ACAD11: variants seen among roughly 807,000 people sequenced by gnomAD.
ACAD11 encodes the protein acyl-CoA dehydrogenase family member 11.
In ACAD11, 83 loss-of-function variants were observed where a neutral mutation model predicts 102.2. That is an observed-to-expected ratio of 0.81 (90% CI 0.68 to 0.97). The LOEUF (loss-of-function observed/expected upper bound fraction) is 0.97. Among genes scored for constraint, ACAD11 ranks in the 50% least tolerant of loss-of-function variants. ACAD11 has a pLI of 0.00. For synonymous variants in ACAD11, 324 were observed against 319.8 expected (o/e 1.01, Z -0.14); for missense variants, 901 against 951.7 (o/e 0.95, Z 0.70).
intron 13 of ACAD11, among the ~76,000 whole-genome samples, chr3:132,589,882 G>A (rs1446218766): frequency 1.3e-5 from 2 of 152,032 alleles, no homozygotes; most frequent in African/African-American, 4.8e-5. Flanking sequence ...CCACCCTCAA[G>A]CAGACCTCTG....
At chr3:132,618,145 T>C (rs1374234560) in intron 11 of ACAD11, 1 of 152,608 alleles carries the variant, frequency 6.6e-6, no homozygotes, top group East Asian at 1.9e-4. Flanking sequence ...TATCCTTGTA[T>C]GTCAATTAGA....
rs151183784 is a variant in ACAD11, at chr3:132,562,189, C to T, written c.2002-972G>A. On this transcript the variant is annotated intron_variant, in intron 17 of 19. Coordinates refer to ENST00000264990, the MANE Select transcript of ACAD11 (RefSeq NM_032169.5). ...GCGCCATCTCAGATCACTGCAACCTCCACCTTCTGGGTTCAAGCGATTCTC... is the reference window on the plus strand; with the variant it reads ...GCGCCATCTCAGATCACTGCAACCTTCACCTTCTGGGTTCAAGCGATTCTC... Among the ~76,000 whole-genome samples the T allele has an allele frequency of 1.7e-4, 26 of 152,304 alleles. No homozygotes were observed. In the East Asian group the frequency reaches 5.0e-3, roughly 29 times the overall value.
At chr3:132,645,993 T>A (rs2107891933) in intron 1 of ACAD11, 1 of 152,246 alleles carries the variant, frequency 6.6e-6, no homozygotes, top group Admixed American at 6.5e-5. Context: ...TTTTTTTTTT[T>A]TTTTTTGAGA....
intron 13 of ACAD11, among the ~76,000 whole-genome samples, chr3:132,594,728 A>G (rs1265303233): frequency 6.6e-6 from 1 of 152,212 alleles, no homozygotes; most frequent in Non-Finnish European, 1.5e-5. Context: ...GAACTAAAAT[A>G]GGGTGGGAAG....
At chr3:132,627,357 G>A (rs1405570548) in intron 8 of ACAD11, among the ~76,000 whole-genome samples, 4 of 152,142 alleles carry the variant, frequency 2.6e-5, no homozygotes, top group Non-Finnish European at 1.5e-5. Context: ...TTTTTCCTGT[G>A]AGACGAGAAC....
At chr3:132,643,641 T>C (rs906224075) in intron 2 of ACAD11, among the ~76,000 whole-genome samples, 24 of 151,254 alleles carry the variant, frequency 1.6e-4, no homozygotes, top group African/African-American at 5.8e-4. Flanking sequence ...AAGAGGAAAG[T>C]AACGAAACCC....
At chr3:132,613,729 T>A (rs748109843) in intron 11 of ACAD11, among the ~76,000 whole-genome samples, 1 of 151,908 alleles carries the variant, frequency 6.6e-6, no homozygotes, top group East Asian at 1.9e-4. Flanking sequence ...TGAAACCACA[T>A]CTCTACTAAA....
intron 13 of ACAD11, among the ~76,000 whole-genome samples, chr3:132,584,849 A>G (rs1937730535): frequency 6.6e-6 from 1 of 152,226 alleles, no homozygotes. Flanking sequence ...AAAAGAGGAT[A>G]CAAACAAATG....
intron 11 of ACAD11, among the ~76,000 whole-genome samples, chr3:132,613,987 A>C (rs1939287774): frequency 6.6e-6 from 1 of 152,200 alleles, no homozygotes; most frequent in Non-Finnish European, 1.5e-5. Flanking sequence ...TCAGGATACA[A>C]AATCAATGTG....
At chr3:132,624,755 C>T (rs1026333876) in intron 9 of ACAD11, among the ~76,000 whole-genome samples, 4 of 151,478 alleles carry the variant, frequency 2.6e-5, no homozygotes, top group Non-Finnish European at 2.9e-5. Flanking sequence ...GGCGCAATCT[C>T]GGCTCCCTGC....
At chr3:132,628,014 T>C (rs919280837) in intron 8 of ACAD11, among the ~76,000 whole-genome samples, 3 of 152,224 alleles carry the variant, frequency 2.0e-5, no homozygotes, top group African/African-American at 7.2e-5. Flanking sequence ...TAATAAATCA[T>C]CTTATATAAT....
intron 4 of ACAD11, among the ~76,000 whole-genome samples, chr3:132,640,025 T>A (rs933341310): frequency 4.6e-5 from 7 of 151,046 alleles, no homozygotes; most frequent in African/African-American, 1.7e-4. Flanking sequence ...CACACAAATA[T>A]ATAGGCATAG....
At position 132,558,779 on chromosome 3, in the gene ACAD11, C is replaced by T. The variant is rs984559915; in HGVS notation, c.*192G>A. The T allele has an allele frequency of 1.1e-5, 6 of 527,622 alleles. No homozygotes were observed. The highest frequency in any genetic ancestry group is 9.8e-5 in the African/African-American group (5 of 50,864). 32.7% of individuals were successfully genotyped at this position (527,622 alleles called of 1,614,324 possible). On this transcript the variant is annotated 3_prime_UTR_variant, in exon 20 of 20. Coordinates refer to ENST00000264990, the MANE Select transcript of ACAD11 (RefSeq NM_032169.5). ...ATGACAACAGCTACAGCATTTCTTACTGAACTTAACCCTGTGTGACCCTTG... is the reference window on the plus strand; with the variant it reads ...ATGACAACAGCTACAGCATTTCTTATTGAACTTAACCCTGTGTGACCCTTG...
At chr3:132,603,134 T>C (rs921477904) in intron 13 of ACAD11, 95 bp downstream of exon 13, 72 of 1,083,154 alleles carry the variant, frequency 6.6e-5, no homozygotes, top group Non-Finnish European at 8.8e-5. Flanking sequence ...ATTATGATCA[T>C]GAAACTGATC....
Position 132,559,018 on chromosome 3 carries a change from T to C in ACAD11, c.2296A>G (p.Thr766Ala). 1 of 1,613,842 alleles carries C rather than the reference T, an allele frequency of 6.2e-7. No homozygotes were observed. Among genetic ancestry groups the C allele is most frequent in the Non-Finnish European group, 8.5e-7 (1 of 1,179,822 alleles). Residue 766 changes from threonine to alanine, a missense_variant, in exon 20 of 20, where the codon ACA (threonine) becomes GCA (alanine). Transcript: ENST00000264990. ...TTGGCTTGGTCCCGCAGCTCCATTG[T>C]TGCGATTGCTGAAAGATGAACTTCG... is the stretch of plus-strand genomic sequence containing the variant. ...PDEVHLSAIATMELRDQAKRL... is the reference protein window; with the variant it reads ...PDEVHLSAIAAMELRDQAKRL...
Position 132,631,443 on chromosome 3 carries a change from T to A in ACAD11, c.739A>T (p.Thr247Ser). ...AAGTCTGACAAAGGATGACCAATGG[T>A]TGACAGCTCCCAATCCAGCACTGCT... ...VIAVLDWELSTIGHPLSDLAH... is the reference protein window; with the variant it reads ...VIAVLDWELSSIGHPLSDLAH... The change falls in exon 6 of 20, where the codon ACC becomes TCC. Residue 247 changes from threonine (T) to serine (S), a missense_variant. Physicochemically the swap from Thr to Ser is moderately conservative, Grantham distance 58. Transcript: ENST00000264990. 6.4e-7 allele frequency: 1 copy of A among 1,551,902 alleles called. No individual in the cohort carries two copies. Among genetic ancestry groups the A allele is most frequent in the Non-Finnish European group, 8.7e-7 (1 of 1,145,982 alleles).
chr3:132,575,818 T>G lies in ACAD11; in HGVS notation c.1955A>C (p.Glu652Ala). The G allele has an allele frequency of 6.2e-7, 1 of 1,614,070 alleles. No individual in the cohort carries two copies. Among genetic ancestry groups the G allele is most frequent in the Non-Finnish European group, 8.5e-7 (1 of 1,179,978 alleles). The change falls in exon 17 of 20, where the codon GAG becomes GCG. Residue 652 changes from glutamate to alanine, a missense_variant. Physicochemically the swap from Glu to Ala is moderately radical, Grantham distance 107 (BLOSUM62 -1). Coordinates refer to ENST00000264990, the MANE Select transcript of ACAD11 (RefSeq NM_032169.5). ...GAAAGCTATCCTTTGTGTTGCCCGC[T>G]CACACATGATCTGCAAAGCGCGTTC... is the stretch of plus-strand genomic sequence containing the variant. ...LAERALQIMC[E>A]RATQRIAFKK...
chr3:132,649,254 C>T (rs1020502320), intron 1 of ACAD11, among the ~76,000 whole-genome samples: 1 of 152,184 alleles, frequency 6.6e-6, no homozygotes, highest in Non-Finnish European at 1.5e-5. Context: ...AAGAGGAAAG[C>T]CTCTTGCAGT....
chr3:132,570,285 G>C (rs904817962), intron 17 of ACAD11, among the ~76,000 whole-genome samples: 8 of 152,004 alleles, frequency 5.3e-5, no homozygotes, highest in Non-Finnish European at 1.2e-4. Flanking sequence ...GAATTGAGTT[G>C]GTCCAAGTGT....
Sources: gnomAD v4.1 joint callset for allele counts (sites outside exome capture counted in the v4.1 genomes callset) on GRCh38, gnomAD v4.1.1 for gene constraint, MANE v1.5 for transcripts, NCBI Gene and HGNC (gene_info 2026-07-23, HGNC 2026-07-21) for gene names.